The following ECT2L variants were observed in gnomAD, a reference collection of about 807,000 sequenced individuals.
ECT2L encodes epithelial cell-transforming sequence 2 oncogene-like.
ECT2L carries 126 observed loss-of-function variants against 122.8 expected under a neutral mutation model. That is an observed-to-expected ratio of 1.03 (90% CI 0.89 to 1.19). The LOEUF is 1.19. Ranked by LOEUF, ECT2L falls within the 50% of genes most tolerant of loss-of-function variation. The pLI, the probability that ECT2L is intolerant of heterozygous loss-of-function variation, is 0.00. For missense variants in ECT2L, 1,012 were observed against 1,064.1 expected (o/e 0.95, Z 0.68); for synonymous variants, 385 against 381.8 (o/e 1.01, Z -0.10).
chr6:138,814,475 C>T lies in ECT2L; in HGVS notation c.67-16C>T, dbSNP rs201282998. The stretch of plus-strand genomic sequence containing the variant: ...AACTGTACAGCAAATGTCACTTCCT[C>T]CCCTCCCCCTTATAGCTCTTTCAGG... On this transcript the variant is annotated splice_polypyrimidine_tract_variant and intron_variant, in intron 3 of 21. Coordinates refer to ENST00000541398, the MANE Select transcript of ECT2L (RefSeq NM_001077706.3). 155 of 1,527,546 alleles carry T rather than the reference C, an allele frequency of 1.0e-4. No homozygotes were observed. The highest frequency in any genetic ancestry group is 2.4e-4 in the Admixed American group (14 of 58,422). The allele number at this position is 1,527,546 out of a possible 1,614,324, so 94.6% of individuals were successfully genotyped here. A position where few individuals can be genotyped will look rare whatever the true frequency, so the allele number is the denominator to read the frequency against.
intron 11 of ECT2L, among the ~76,000 whole-genome samples, chr6:138,863,108 G>C (rs1236567149): frequency 6.6e-6 from 1 of 152,144 alleles, no homozygotes; most frequent in East Asian, 1.9e-4. Context: ...CAAAGAGGCT[G>C]GCTTAGTTTC....
At chr6:138,897,781 T>C (rs898645517) in intron 20 of ECT2L, among the ~76,000 whole-genome samples, 2 of 152,208 alleles carry the variant, frequency 1.3e-5, no homozygotes, top group Non-Finnish European at 2.9e-5. Context: ...CAAGTTAGTG[T>C]GGCTGCTCCA....
At position 138,848,550 on chromosome 6, in the gene ECT2L, T is replaced by C. The variant is rs746060591; in HGVS notation, c.904-719T>C. On this transcript the variant is annotated intron_variant, in intron 8 of 21. Transcript: ENST00000541398. Reference sequence around the variant, plus strand: ...GGATATATACTTAGAAAAGTTTCTATTTGTAACAAAATAGCTCCTTTTAAG... The same window carrying C: ...GGATATATACTTAGAAAAGTTTCTACTTGTAACAAAATAGCTCCTTTTAAG... 4.8e-4 allele frequency among the ~76,000 whole-genome samples: 73 copies of C among 152,350 alleles called. 1 individual carries two copies. The highest frequency in any genetic ancestry group is 3.1e-3 in the Admixed American group (48 of 15,304).
chr6:138,839,032 G>A (rs1583576035), intron 5 of ECT2L, among the ~76,000 whole-genome samples: 6 of 152,094 alleles, frequency 3.9e-5, no homozygotes, highest in Non-Finnish European at 7.4e-5. Flanking sequence ...CGCCCGCCTC[G>A]GCCTCCCAAA....
chr6:138,822,433 T>G (rs951595477), intron 4 of ECT2L, among the ~76,000 whole-genome samples: 4 of 152,202 alleles, frequency 2.6e-5, no homozygotes, highest in Non-Finnish European at 5.9e-5. Context: ...CGTGTGCCTG[T>G]GGTCCCAGCT....
At chr6:138,892,618 T>C (rs1024997902) in intron 20 of ECT2L, among the ~76,000 whole-genome samples, 9 of 152,092 alleles carry the variant, frequency 5.9e-5, no homozygotes, top group African/African-American at 2.2e-4. Flanking sequence ...CTCAGGCTTC[T>C]AGGTAGCTGG....
chr6:138,804,314 G>A (rs377318872), intron 1 of ECT2L, among the ~76,000 whole-genome samples: 6 of 152,110 alleles, frequency 3.9e-5, no homozygotes, highest in South Asian at 2.1e-4. Flanking sequence ...CAGATATTCC[G>A]TTTTCTATAA....
At chr6:138,879,200 A>C in intron 14 of ECT2L, 1 of 306,990 alleles carries the variant, frequency 3.3e-6, no homozygotes, top group Non-Finnish European at 6.6e-6. Context: ...ATAGGCTTTC[A>C]TTAGTTTACT....
chr6:138,885,591 G>C lies in ECT2L; in HGVS notation c.2102+12G>C. ...ACCAAAATGCTGAGGTACGTTCTGA[G>C]GGAGAGCACAGCAGGGGTCCCCCCA... On this transcript the variant is annotated intron_variant, in intron 17 of 21. Coordinates refer to ENST00000541398, the MANE Select transcript of ECT2L (RefSeq NM_001077706.3). The C allele has an allele frequency of 6.2e-7, 1 of 1,614,200 alleles. No homozygotes were observed.
intron 4 of ECT2L, among the ~76,000 whole-genome samples, chr6:138,834,312 C>T (rs530023188): frequency 7.0e-6 from 1 of 143,036 alleles, no homozygotes; most frequent in East Asian, 1.9e-4. Context: ...TACAAACTAC[C>T]CTACCTTAGT....
intron 3 of ECT2L, 83 bp downstream of exon 3, chr6:138,813,423 T>C: frequency 9.9e-7 from 1 of 1,010,688 alleles, no homozygotes; most frequent in South Asian, 1.7e-5. Flanking sequence ...TGTTGCCACA[T>C]TTTTAAAGAA....
At chr6:138,853,844 G>A (rs1419914147) in intron 9 of ECT2L, among the ~76,000 whole-genome samples, 182 bp from the exon 10 acceptor site, 3 of 152,200 alleles carry the variant, frequency 2.0e-5, no homozygotes, top group African/African-American at 7.2e-5. Context: ...AGGATGTGAA[G>A]GAGACCAGGA....
chr6:138,876,977 G>A (rs956751056), intron 14 of ECT2L, among the ~76,000 whole-genome samples: 9 of 152,162 alleles, frequency 5.9e-5, no homozygotes, highest in Non-Finnish European at 5.9e-5. Context: ...AAAGTGTGGA[G>A]GAAGCTGCAG....
At chr6:138,820,559 G>A (rs143334651) in intron 4 of ECT2L, among the ~76,000 whole-genome samples, 1 of 152,158 alleles carries the variant, frequency 6.6e-6, no homozygotes, top group African/African-American at 2.4e-5. Context: ...AAGAAAAATA[G>A]GTTGAAAATG....
At chr6:138,899,654 A>C (rs1188848) in intron 20 of ECT2L, among the ~76,000 whole-genome samples, 1 of 152,060 alleles carries the variant, frequency 6.6e-6, no homozygotes, top group South Asian at 2.1e-4. Context: ...TTTAAAAATT[A>C]AACAAAAATG....
intron 20 of ECT2L, among the ~76,000 whole-genome samples, chr6:138,900,689 C>T (rs1343911799): frequency 6.6e-6 from 1 of 152,160 alleles, no homozygotes; most frequent in Non-Finnish European, 1.5e-5. Flanking sequence ...CAAGGATTAT[C>T]AAATACTTGT....
intron 5 of ECT2L, among the ~76,000 whole-genome samples, chr6:138,841,037 C>T (rs989012421): frequency 6.6e-6 from 1 of 152,136 alleles, no homozygotes; most frequent in Non-Finnish European, 1.5e-5. Flanking sequence ...AGATTCTAAT[C>T]TGATCTTAAA....
intron 14 of ECT2L, among the ~76,000 whole-genome samples, chr6:138,878,330 CACAT>C (rs1200936032): frequency 6.6e-6 from 1 of 151,386 alleles, no homozygotes; most frequent in East Asian, 1.9e-4. Flanking sequence ...CACACACACA[CACAT>C]ACATATATAC....
chr6:138,878,626 T>C (rs1166196477), intron 14 of ECT2L, among the ~76,000 whole-genome samples: 1 of 151,828 alleles, frequency 6.6e-6, no homozygotes, highest in African/African-American at 2.4e-5. Flanking sequence ...TTTGTATTTT[T>C]AGTAGAGACA....
Sources: gnomAD v4.1 joint callset for allele counts (sites outside exome capture counted in the v4.1 genomes callset) on GRCh38, gnomAD v4.1.1 for gene constraint, MANE v1.5 for transcripts, NCBI Gene and HGNC (gene_info 2026-07-23, HGNC 2026-07-21) for gene names.